NSUN6: variants seen among roughly 807,000 people sequenced by gnomAD.
The protein encoded by NSUN6 is tRNA (cytosine(72)-C(5))-methyltransferase NSUN6.
NSUN6 carries 64 observed loss-of-function variants against 58.0 expected under a neutral mutation model. The ratio of observed to expected loss-of-function variants is 1.10; its 90% CI spans 0.90 to 1.36. NSUN6 has a LOEUF of 1.36. NSUN6 is among the 40% of genes most tolerant of loss of function. The pLI, the probability that NSUN6 is intolerant of heterozygous loss-of-function variation, is 0.00. For missense variants in NSUN6, 701 were observed against 550.1 expected, an observed-to-expected ratio of 1.27 and a Z score of -2.74; for synonymous variants, 231 against 193.9, an observed-to-expected ratio of 1.19 and a Z score of -1.59.
chr10:18,579,998 C>A (rs1345884993), intron 8 of NSUN6, among the ~76,000 whole-genome samples: 1 of 152,066 alleles, frequency 6.6e-6, no homozygotes, highest in Admixed American at 6.5e-5. Flanking sequence ...ATTTATTTTC[C>A]TTTCGCACCT....
intron 8 of NSUN6, among the ~76,000 whole-genome samples, chr10:18,585,564 C>A (rs1306050133): frequency 2.6e-5 from 4 of 152,108 alleles, no homozygotes; most frequent in Non-Finnish European, 5.9e-5. Flanking sequence ...CAGTGAAGGA[C>A]AAATATTACA....
At chr10:18,602,251 T>C (rs548050808) in intron 6 of NSUN6, among the ~76,000 whole-genome samples, 113 of 149,758 alleles carry the variant, frequency 7.5e-4, no homozygotes, top group African/African-American at 2.7e-3. Context: ...TTTTTTTTTT[T>C]GTTTTTTTTT....
intron 9 of NSUN6, 88 bp downstream of exon 9, chr10:18,551,735 G>C: frequency 1.8e-6 from 2 of 1,127,130 alleles, no homozygotes; most frequent in South Asian, 1.5e-5. Context: ...CTATTGTAAT[G>C]AACGCTGCTA....
At chr10:18,586,601 T>G (rs1032099266) in intron 7 of NSUN6, among the ~76,000 whole-genome samples, 1 of 152,098 alleles carries the variant, frequency 6.6e-6, no homozygotes, top group Non-Finnish European at 1.5e-5. Flanking sequence ...CAGAGTTGTT[T>G]GTTCCTCCCA....
In NSUN6 at chr10:18,597,528, G is replaced by A. The variant is rs1029905291; in HGVS notation, c.658-1201C>T. Among the ~76,000 whole-genome samples, 4 of 152,064 alleles carry A rather than the reference G, an allele frequency of 2.6e-5. No individual in the cohort carries two copies. The East Asian group carries it at 7.7e-4, about 29-fold the overall frequency. ...TTCATGCCTGTAATTCCAGCACTTTGGGAGGCCAAAGCGGGAGGATTGCCT... is the reference window on the plus strand; with the variant it reads ...TTCATGCCTGTAATTCCAGCACTTTAGGAGGCCAAAGCGGGAGGATTGCCT... On this transcript the variant is annotated intron_variant, in intron 6 of 10. Transcript: ENST00000377304.
At chr10:18,606,060 GT>G (rs1366280915) in intron 6 of NSUN6, among the ~76,000 whole-genome samples, 1 of 152,168 alleles carries the variant, frequency 6.6e-6, no homozygotes, top group Non-Finnish European at 1.5e-5. Context: ...GTTCAGCACA[GT>G]GCCTGATGCA....
intron 8 of NSUN6, among the ~76,000 whole-genome samples, chr10:18,558,946 A>G (rs960426181): frequency 6.6e-5 from 10 of 151,266 alleles, no homozygotes; most frequent in African/African-American, 2.4e-4. Context: ...AATGGAATGG[A>G]AGGGAGAATG....
chr10:18,644,425 T>G (rs898360394), intron 2 of NSUN6, among the ~76,000 whole-genome samples: 1 of 152,178 alleles, frequency 6.6e-6, no homozygotes, highest in Non-Finnish European at 1.5e-5. Flanking sequence ...AACAGCTAAT[T>G]CAGGTACTCT....
At chr10:18,651,742 G>A (rs1209501090), upstream of NSUN6, 2 of 985,622 alleles carry the variant, frequency 2.0e-6, no homozygotes, top group Non-Finnish European at 1.2e-6. Flanking sequence ...GCCCCCGGAG[G>A]TTCCTAACCC....
chr10:18,585,851 C>T, intron 8 of NSUN6, 98 bp downstream of exon 8: 1 of 870,894 alleles, frequency 1.1e-6, no homozygotes, highest in Non-Finnish European at 1.7e-6. Context: ...TTAATCATTC[C>T]ACATTGTATA....
At chr10:18,585,821 G>A (rs1180757697) in intron 8 of NSUN6, 128 bp downstream of exon 8, 11 of 681,026 alleles carry the variant, frequency 1.6e-5, no homozygotes, top group Non-Finnish European at 2.6e-5. Context: ...TACAGTGATG[G>A]ATATGTTAAT....
chr10:18,592,318 G>A (rs766749644), intron 7 of NSUN6, among the ~76,000 whole-genome samples: 2 of 152,072 alleles, frequency 1.3e-5, no homozygotes, highest in African/African-American at 2.4e-5. Context: ...TAGACTCAAC[G>A]GTATTTCCAT....
chr10:18,629,200 A>G (rs1480823320), intron 3 of NSUN6, among the ~76,000 whole-genome samples: 3 of 152,204 alleles, frequency 2.0e-5, no homozygotes, highest in Non-Finnish European at 4.4e-5. Context: ...AGACAAGCAA[A>G]TGCTGAGAGA....
At chr10:18,549,859 A>G (rs990379259) in intron 9 of NSUN6, among the ~76,000 whole-genome samples, 2 of 152,208 alleles carry the variant, frequency 1.3e-5, no homozygotes, top group Non-Finnish European at 2.9e-5. Flanking sequence ...TACTGTGTGA[A>G]ACACTGTATA....
chr10:18,587,644 C>A (rs2057214686), intron 7 of NSUN6, among the ~76,000 whole-genome samples: 1 of 152,074 alleles, frequency 6.6e-6, no homozygotes, highest in Non-Finnish European at 1.5e-5. Context: ...GGACAGCCAG[C>A]AGAAATAGGA....
At chr10:18,565,363 A>C in intron 8 of NSUN6, among the ~76,000 whole-genome samples, 4 of 132,610 alleles carry the variant, frequency 3.0e-5, no homozygotes, top group African/African-American at 5.7e-5. Context: ...ATTCCCTTCC[A>C]CTCTCCATTT....
At chr10:18,566,764 G>A (rs934377297) in intron 8 of NSUN6, among the ~76,000 whole-genome samples, 6 of 138,746 alleles carry the variant, frequency 4.3e-5, no homozygotes, top group Non-Finnish European at 6.3e-5. Context: ...TGCTCCATTC[G>A]ATTCTGCATT....
chr10:18,638,812 T>G (rs1880399), intron 3 of NSUN6, among the ~76,000 whole-genome samples: 2 of 151,954 alleles, frequency 1.3e-5, no homozygotes, highest in Admixed American at 1.3e-4. Flanking sequence ...GGAAATCTGC[T>G]AAGTGACTGT....
intron 8 of NSUN6, among the ~76,000 whole-genome samples, chr10:18,557,521 AGAATG>A (rs552148698): frequency 1.7e-4 from 25 of 150,796 alleles, no homozygotes; most frequent in African/African-American, 4.6e-4. Context: ...AATGGAAGGG[AGAATG>A]GAATGGAATG....
Sources: allele counts gnomAD v4.1 joint callset (sites outside exome capture counted in the v4.1 genomes callset), GRCh38; gene constraint gnomAD v4.1.1; transcripts MANE v1.5; gene names NCBI Gene and HGNC (gene_info 2026-07-23, HGNC 2026-07-21).